Variants in PTPRU observed in about 807,000 individuals in gnomAD.
The protein encoded by PTPRU is protein tyrosine phosphatase receptor type U.
In PTPRU, 69 loss-of-function variants were observed where a neutral mutation model predicts 166.3. That is an observed-to-expected ratio of 0.41 (90% CI 0.34 to 0.51). The LOEUF is 0.51. PTPRU is among the 20% of genes least tolerant of loss of function. The pLI is 0.09. For missense variants in PTPRU, 1,657 were observed against 2,013.7 expected (o/e 0.82, Z 3.39); for synonymous variants, 793 against 814.0 (o/e 0.97, Z 0.44).
Position 29,325,681 on chromosome 1 carries a change from AC to A in PTPRU, c.*23del. ...AGATAGCGGGGCCCTGGCCTGGGGC[AC>A]CCACTGCACACTCAGGGCCAGACCC... On this transcript the variant is annotated 3_prime_UTR_variant, in exon 30 of 30. Transcript: ENST00000373779. The A allele has an allele frequency of 6.3e-7, 1 of 1,577,492 alleles. No individual in the cohort carries two copies. Among genetic ancestry groups the A allele is most frequent in the Non-Finnish European group, 8.7e-7 (1 of 1,155,520 alleles).
At position 29,259,292 on chromosome 1, in the gene PTPRU, G is replaced by T. The variant is rs752228030; in HGVS notation, c.509G>T (p.Arg170Leu). The T allele has an allele frequency of 1.2e-6, 2 of 1,614,040 alleles. No homozygotes were observed. Among genetic ancestry groups the T allele is most frequent in the South Asian group, 1.1e-5 (1 of 91,068 alleles). The stretch of plus-strand genomic sequence containing the variant: ...TTTGAGGCCCTCATCTCCCCAGACC[G>T]CAGGGGCTACATGGGCCTAGATGAC... ...VLFEALISPD[R>L]RGYMGLDDIL... Residue 170 changes from arginine to leucine, a missense_variant, in exon 4 of 30, where the codon CGC becomes CTC. Coordinates refer to ENST00000373779, the MANE Select transcript of PTPRU (RefSeq NM_133178.4).
rs573438778 is a variant in PTPRU at position 29,309,506 on chromosome 1, C to A, written c.2821-1238C>A. Among the ~76,000 whole-genome samples the A allele has an allele frequency of 3.3e-5, 5 of 152,200 alleles. No homozygotes were observed. In the South Asian group the frequency reaches 1.0e-3, roughly 32 times the overall value. ...TGACTTCCATTTGATACACTTGATT[C>A]ATTTGTATCTTCAAGGATACTGCTT... On this transcript the variant is annotated intron_variant, in intron 18 of 29. Coordinates refer to ENST00000373779, the MANE Select transcript of PTPRU (RefSeq NM_133178.4).
chr1:29,278,660 T>G (rs1458945140), intron 8 of PTPRU, among the ~76,000 whole-genome samples: 1 of 152,234 alleles, frequency 6.6e-6, no homozygotes, highest in Non-Finnish European at 1.5e-5. Context: ...CATGTGCATA[T>G]TTTCTGAAAA....
At chr1:29,263,527 A>G (rs1020664070) in intron 7 of PTPRU, among the ~76,000 whole-genome samples, 12 of 152,210 alleles carry the variant, frequency 7.9e-5, no homozygotes, top group Non-Finnish European at 1.6e-4. Flanking sequence ...TACCATATAT[A>G]TCATAAGATA....
chr1:29,265,848 C>T (rs1426872849), intron 7 of PTPRU, among the ~76,000 whole-genome samples: 2 of 151,926 alleles, frequency 1.3e-5, no homozygotes, highest in South Asian at 4.1e-4. Flanking sequence ...AATATTTCCT[C>T]CCAGTAGCTT....
chr1:29,273,128 G>A (rs1453115235), intron 7 of PTPRU, among the ~76,000 whole-genome samples: 4 of 152,056 alleles, frequency 2.6e-5, no homozygotes, highest in Non-Finnish European at 5.9e-5. Context: ...TGCAGTCTTG[G>A]TGTCTTCCCT....
intron 1 of PTPRU, among the ~76,000 whole-genome samples, chr1:29,249,762 C>T (rs1244758376): frequency 2.0e-5 from 3 of 152,178 alleles, no homozygotes; most frequent in African/African-American, 7.2e-5. Context: ...CCCTCTGGAT[C>T]CTGCTGTGCT....
intron 29 of PTPRU, 96 bp downstream of exon 29, chr1:29,325,422 C>T: frequency 1.3e-6 from 2 of 1,532,654 alleles, no homozygotes. Flanking sequence ...TGGGCCCCAC[C>T]ACTGGGCCTT....
At chr1:29,308,566 C>CAAAAAAA (rs754278193) in intron 18 of PTPRU, among the ~76,000 whole-genome samples, 2,754 of 79,450 alleles carry the variant, frequency 0.035, 189 homozygotes, top group East Asian at 0.17. Context: ...GTCCCTGTCT[C>CAAAAAAA]AAAAAAAAAA....
At position 29,238,752 on chromosome 1, in the gene PTPRU, CG is replaced by C. The variant is rs1239805414; in HGVS notation, c.73+2036del. On this transcript the variant is annotated intron_variant, in intron 1 of 29. Transcript: ENST00000373779. The surrounding 1 kb of genome is among the most constrained non-coding windows in gnomAD (Gnocchi z 6.1). Reference sequence around the variant, plus strand: ...CCCTCTCCCACCGTGAAATCAAACCCGCGGGGTTCTGTATGCGCCCCATCCC... The same window carrying C: ...CCCTCTCCCACCGTGAAATCAAACCCCGGGGTTCTGTATGCGCCCCATCCC... 6.6e-6 allele frequency among the ~76,000 whole-genome samples: 1 copy of C among 152,146 alleles called. No individual in the cohort carries two copies. The highest frequency in any genetic ancestry group is 2.4e-5 in the African/African-American group (1 of 41,440).
At chr1:29,286,080 T>TGA (rs925374875) in intron 14 of PTPRU, among the ~76,000 whole-genome samples, 1 of 151,932 alleles carries the variant, frequency 6.6e-6, no homozygotes, top group Non-Finnish European at 1.5e-5. Context: ...TCCAGGAAGA[T>TGA]GAGAGAGAGA....
intron 25 of PTPRU, among the ~76,000 whole-genome samples, chr1:29,318,657 G>C (rs1278209129): frequency 6.6e-6 from 1 of 152,226 alleles, no homozygotes; most frequent in Non-Finnish European, 1.5e-5. Context: ...TGGCCAGTTG[G>C]TGGGCCGCTC....
chr1:29,295,224 G>C (rs1202669237), intron 15 of PTPRU, among the ~76,000 whole-genome samples: 1 of 147,350 alleles, frequency 6.8e-6, no homozygotes, highest in African/African-American at 2.5e-5. Context: ...TTTTTTTTTT[G>C]GTAGAGACGG....
intron 26 of PTPRU, 151 bp from the exon 27 acceptor site, chr1:29,323,220 G>A: frequency 9.7e-7 from 1 of 1,032,564 alleles, no homozygotes; most frequent in Non-Finnish European, 1.4e-6. Context: ...TGGTGATTGG[G>A]GGAGCTGCTG....
At chr1:29,305,279 C>T (rs1345396531) in intron 17 of PTPRU, 73 bp from the exon 18 acceptor site, 3 of 1,467,034 alleles carry the variant, frequency 2.0e-6, no homozygotes, top group South Asian at 1.1e-5. Flanking sequence ...CCCTAGCCTC[C>T]AGGAATCCCT....
At position 29,260,080 on chromosome 1, in the gene PTPRU, A is replaced by G; in HGVS notation, c.850+36A>G. 1 of 1,068,078 alleles carries G rather than the reference A, an allele frequency of 9.4e-7. No individual in the cohort carries two copies. The highest frequency in any genetic ancestry group is 1.1e-6 in the Non-Finnish European group (1 of 880,726). 66.2% of individuals were successfully genotyped at this position (1,068,078 alleles called of 1,614,324 possible). A position where few individuals can be genotyped will look rare whatever the true frequency, so the allele number is the denominator to read the frequency against. On this transcript the variant is annotated intron_variant, in intron 6 of 29. Transcript: ENST00000373779. The surrounding 1 kb of genome is among the most constrained non-coding windows in gnomAD (Gnocchi z 8.3). ...GGACGCCGGGGAGCGCCGGGACCTC[A>G]CCCTCGAGGGGCGGGGCCGGCGACG...
chr1:29,260,698 C>A lies in PTPRU; in HGVS notation c.939C>A (p.Gly313=). The A allele has an allele frequency of 6.3e-7, 1 of 1,586,168 alleles. No individual in the cohort carries two copies. Residue 313 remains glycine, a synonymous_variant, in exon 7 of 30, where the codon GGC becomes GGA. Coordinates refer to ENST00000373779, the MANE Select transcript of PTPRU (RefSeq NM_133178.4). The surrounding 1 kb of genome is among the most constrained non-coding windows in gnomAD (Gnocchi z 8.3). The part of the protein sequence containing the change: ...IIQLNTNSII[G]DGPIVRKEIE... The stretch of plus-strand genomic sequence containing the variant: ...AGCTCAACACCAACTCCATCATTGG[C>A]GACGGGCCGATCGTGCGCAAGGAGA...
At chr1:29,306,249 T>C (rs571021256) in intron 18 of PTPRU, among the ~76,000 whole-genome samples, 2 of 152,242 alleles carry the variant, frequency 1.3e-5, no homozygotes, top group South Asian at 4.2e-4. Flanking sequence ...AGGTGATGAG[T>C]CTACTTCCTA....
At chr1:29,270,855 G>T (rs1015446437) in intron 7 of PTPRU, among the ~76,000 whole-genome samples, 33 of 152,184 alleles carry the variant, frequency 2.2e-4, no homozygotes, top group African/African-American at 7.7e-4. Flanking sequence ...TGTGGTCCCA[G>T]CTACTCAGGA....
Sources: gnomAD v4.1 joint callset for allele counts (sites outside exome capture counted in the v4.1 genomes callset) on GRCh38, gnomAD v4.1.1 for gene constraint, Gnocchi (gnomAD v3.1) non-coding constraint, MANE v1.5 for transcripts, NCBI Gene and HGNC (gene_info 2026-07-23, HGNC 2026-07-21) for gene names.